The following ATRNL1 variants were observed in gnomAD, a reference collection of about 807,000 sequenced individuals.
ATRNL1 encodes the protein attractin-like protein 1.
In ATRNL1, 95 loss-of-function variants were observed where a neutral mutation model predicts 182.7. The ratio of observed to expected loss-of-function variants is 0.52; its 90% confidence interval spans 0.44 to 0.62. The LOEUF is 0.62. ATRNL1 is among the 20% of genes least tolerant of loss of function. ATRNL1 has a pLI of 0.00. For missense variants in ATRNL1, 1,471 were observed against 1,679.5 expected (o/e 0.88, Z 2.17); for synonymous variants, 576 against 568.3 (o/e 1.01, Z -0.19).
chr10:115,173,941 T>G (rs1416502973), intron 8 of ATRNL1, among the ~76,000 whole-genome samples: 1 of 10 alleles, frequency 0.1, no homozygotes, highest in Non-Finnish European at 0.1. Flanking sequence ...TGTCTTGTAT[T>G]TTCAAAAAGT....
intron 26 of ATRNL1, among the ~76,000 whole-genome samples, chr10:115,711,310 A>AAT (rs1947057422): frequency 6.6e-6 from 1 of 152,120 alleles, no homozygotes; most frequent in Admixed American, 6.6e-5. Flanking sequence ...ATAAGAAGTT[A>AAT]TGAGAGACAG....
At chr10:115,834,453 A>G (rs1318844342) in intron 27 of ATRNL1, among the ~76,000 whole-genome samples, 1 of 152,104 alleles carries the variant, frequency 6.6e-6, no homozygotes, top group East Asian at 1.9e-4. Flanking sequence ...TTTCTGACCC[A>G]ATCGCCTACT....
intron 26 of ATRNL1, among the ~76,000 whole-genome samples, chr10:115,591,163 G>T (rs1484923415): frequency 1.3e-5 from 2 of 152,122 alleles, no homozygotes; most frequent in African/African-American, 2.4e-5. Flanking sequence ...ACACAAAAAT[G>T]CACACACACA....
At chr10:115,663,387 A>T (rs955054014) in intron 26 of ATRNL1, among the ~76,000 whole-genome samples, 5 of 152,102 alleles carry the variant, frequency 3.3e-5, no homozygotes. Flanking sequence ...TTGTGCATAC[A>T]TAATATAATA....
At chr10:115,345,626 T>C (rs1564936200) in intron 19 of ATRNL1, among the ~76,000 whole-genome samples, 1 of 152,190 alleles carries the variant, frequency 6.6e-6, no homozygotes, top group Middle Eastern at 3.2e-3. Flanking sequence ...AGTTGTTAAA[T>C]TGATGTCCCT....
At chr10:115,690,055 C>G (rs1021041265) in intron 26 of ATRNL1, among the ~76,000 whole-genome samples, 4 of 152,124 alleles carry the variant, frequency 2.6e-5, no homozygotes, top group African/African-American at 9.7e-5. Context: ...CTTGCAAGGC[C>G]AAGTACAGAA....
intron 26 of ATRNL1, among the ~76,000 whole-genome samples, chr10:115,716,316 C>T (rs551721777): frequency 1.2e-4 from 19 of 152,084 alleles, no homozygotes; most frequent in Non-Finnish European, 2.4e-4. Context: ...CAAAATAATC[C>T]CATTTTCCTC....
At chr10:115,795,533 G>T (rs141888885) in intron 27 of ATRNL1, among the ~76,000 whole-genome samples, 1 of 152,100 alleles carries the variant, frequency 6.6e-6, no homozygotes, top group African/African-American at 2.4e-5. Flanking sequence ...CTGAGACTGC[G>T]TAATTTATAA....
At chr10:115,854,767 GT>G (rs1355787578) in intron 28 of ATRNL1, among the ~76,000 whole-genome samples, 3 of 152,026 alleles carry the variant, frequency 2.0e-5, no homozygotes, top group Non-Finnish European at 4.4e-5. Flanking sequence ...CTCTCTCTTT[GT>G]GCCCTTTTAC....
At chr10:115,459,610 G>T (rs1847696012) in intron 21 of ATRNL1, among the ~76,000 whole-genome samples, 1 of 152,128 alleles carries the variant, frequency 6.6e-6, no homozygotes, top group African/African-American at 2.4e-5. Context: ...TGTTATCAAT[G>T]ACAGTGGTGC....
At chr10:115,676,067 G>A (rs1945851545) in intron 26 of ATRNL1, among the ~76,000 whole-genome samples, 1 of 151,980 alleles carries the variant, frequency 6.6e-6, no homozygotes, top group Non-Finnish European at 1.5e-5. Flanking sequence ...TCGTTTCAGT[G>A]ACTATTAAAC....
chr10:115,448,508 G>T (rs1200190207), intron 21 of ATRNL1, among the ~76,000 whole-genome samples: 6 of 151,990 alleles, frequency 3.9e-5, no homozygotes, highest in Admixed American at 6.6e-5. Context: ...AGAATCTCTG[G>T]GATATAGCTA....
intron 19 of ATRNL1, among the ~76,000 whole-genome samples, chr10:115,349,074 A>G (rs1378771787): frequency 1.3e-5 from 2 of 152,100 alleles, no homozygotes; most frequent in Non-Finnish European, 2.9e-5. Flanking sequence ...TTCTAACTGT[A>G]TTTTTATACC....
At chr10:115,627,743 T>C (rs1267969618) in intron 26 of ATRNL1, among the ~76,000 whole-genome samples, 5 of 152,162 alleles carry the variant, frequency 3.3e-5, no homozygotes, top group African/African-American at 1.2e-4. Context: ...CTTTTGGCAA[T>C]TGTGAATAGT....
At chr10:115,489,669 A>T (rs1849200362) in intron 24 of ATRNL1, among the ~76,000 whole-genome samples, 1 of 151,860 alleles carries the variant, frequency 6.6e-6, no homozygotes, top group Admixed American at 6.6e-5. Context: ...ATGGGTCTTG[A>T]CTCTATCCAA....
rs782236609 is a variant in ATRNL1, at chr10:115,093,825, G to GGGCGGC, written c.84_89dup (p.Gly30_Gly31dup). ...CGGGGGTGTGGAGGGCTCGGCCGGC[G>GGGCGGC]GGCGGCGGCGGCGGGGGCGCCTCCT... is the stretch of plus-strand genomic sequence containing the variant. On this transcript the variant is annotated inframe_insertion, in exon 1 of 29. Coordinates refer to ENST00000355044, the MANE Select transcript of ATRNL1 (RefSeq NM_207303.4). The surrounding 1 kb of genome is among the most constrained non-coding windows in gnomAD (Gnocchi z 6.1). 82 of 1,507,102 alleles carry GGGCGGC rather than the reference G, an allele frequency of 5.4e-5. No homozygotes were observed. The highest frequency in any genetic ancestry group is 6.7e-5 in the Non-Finnish European group (76 of 1,130,414). 93.4% of individuals were successfully genotyped at this position (1,507,102 alleles called of 1,614,324 possible).
intron 13 of ATRNL1, among the ~76,000 whole-genome samples, chr10:115,271,334 G>A (rs1281687687): frequency 1.3e-5 from 2 of 151,994 alleles, no homozygotes; most frequent in African/African-American, 2.4e-5. Flanking sequence ...GGCACAATGT[G>A]CAGGTTTGTT....
intron 18 of ATRNL1, among the ~76,000 whole-genome samples, chr10:115,319,380 AGTTTTGTAGAAGT>A (rs1168151288): frequency 1.3e-5 from 2 of 152,038 alleles, no homozygotes; most frequent in Non-Finnish European, 2.9e-5. Flanking sequence ...TGGGGTGGAG[AGTTTTGTAGAAGT>A]CTATTAGGTC....
At chr10:115,196,783 A>G (rs1848379293) in intron 8 of ATRNL1, among the ~76,000 whole-genome samples, 1 of 152,140 alleles carries the variant, frequency 6.6e-6, no homozygotes, top group Non-Finnish European at 1.5e-5. Context: ...AAACACACTT[A>G]TTAATATCTG....
Sources: gnomAD v4.1 joint callset for allele counts (sites outside exome capture counted in the v4.1 genomes callset) on GRCh38, gnomAD v4.1.1 for gene constraint, Gnocchi (gnomAD v3.1) non-coding constraint, MANE v1.5 for transcripts, NCBI Gene and HGNC (gene_info 2026-07-23, HGNC 2026-07-21) for gene names.